The following PLB1 variants were observed in gnomAD, a reference collection of about 807,000 sequenced individuals.
PLB1 encodes phospholipase B1, also known as phospholipase B1, membrane-associated.
A neutral mutation model predicts 227.4 loss-of-function variants in PLB1; 242 were observed. That is an observed-to-expected ratio of 1.06 (90% CI 0.96 to 1.18). PLB1 has a LOEUF of 1.18. Among genes scored for constraint, PLB1 ranks in the 50% most tolerant of loss-of-function variants. The pLI is 0.00. For missense variants in PLB1, 1,858 were observed against 1,816.3 expected, an observed-to-expected ratio of 1.02 and a Z score of -0.42; for synonymous variants, 757 against 682.2, an observed-to-expected ratio of 1.11 and a Z score of -1.71.
rs754960169 is a variant in PLB1, at chr2:28,565,328, A to T, written c.1255A>T (p.Thr419Ser). 2 of 1,610,950 alleles carry T rather than the reference A, an allele frequency of 1.2e-6. No homozygotes were observed. The highest frequency in any genetic ancestry group is 1.7e-6 in the Non-Finnish European group (2 of 1,178,938). The change falls in exon 19 of 58, where the codon ACT (threonine) becomes TCT (serine). Residue 419 changes from threonine (T) to serine (S), a missense_variant. Transcript: ENST00000327757. ...STPGNVLDVL[T>S]QYRGLSWSVG... ...ACCTGGGAACGTCTTGGACGTCTTGACTCAGTACCGAGGCCTGTCCTGGAG... is the reference window on the plus strand; with the variant it reads ...ACCTGGGAACGTCTTGGACGTCTTGTCTCAGTACCGAGGCCTGTCCTGGAG...
intron 19 of PLB1, 90 bp from the exon 20 acceptor site, chr2:28,566,706 G>C (rs781196738): frequency 2.9e-5 from 42 of 1,448,966 alleles, no homozygotes; most frequent in Non-Finnish European, 3.6e-5. Flanking sequence ...GCTGTTTCTC[G>C]GGAGACGGGC....
intron 14 of PLB1, 34 bp downstream of exon 14, chr2:28,543,302 A>AG: frequency 6.3e-7 from 1 of 1,597,166 alleles, no homozygotes; most frequent in Middle Eastern, 1.7e-4. Flanking sequence ...GGGCCCACAG[A>AG]GGAGGGGCAA....
At chr2:28,502,367 G>A (rs1667200926) in intron 1 of PLB1, among the ~76,000 whole-genome samples, 1 of 152,110 alleles carries the variant, frequency 6.6e-6, no homozygotes, top group South Asian at 2.1e-4. Flanking sequence ...GTATATGTGT[G>A]TGTTCATATT....
In PLB1 at chr2:28,598,660, C is replaced by G; in HGVS notation, c.2374C>G (p.Arg792Gly). 6.2e-7 allele frequency: 1 copy of G among 1,613,158 alleles called. No individual in the cohort carries two copies. Among genetic ancestry groups the G allele is most frequent in the Non-Finnish European group, 8.5e-7 (1 of 1,179,054 alleles). ...TTCACCTTCTCTTCCAGATATCCTT[C>G]GGGAGTTTAACAGAAACCTCACAGG... Reference protein sequence around the residue: ...ENVTTLPNILREFNRNLTGYA... With the variant: ...ENVTTLPNILGEFNRNLTGYA... Residue 792 changes from arginine to glycine, a missense_variant, in exon 35 of 58, where the codon CGG becomes GGG. Arg to Gly is a moderately radical substitution (Grantham distance 125, BLOSUM62 -2). Transcript: ENST00000327757.
intron 1 of PLB1, among the ~76,000 whole-genome samples, chr2:28,509,781 G>T (rs191881093): frequency 6.6e-6 from 1 of 152,254 alleles, no homozygotes; most frequent in East Asian, 1.9e-4. Flanking sequence ...GAGTTCCCTT[G>T]GGATTCCATG....
At chr2:28,515,555 A>C (rs928095406) in intron 1 of PLB1, among the ~76,000 whole-genome samples, 3 of 152,222 alleles carry the variant, frequency 2.0e-5, no homozygotes, top group African/African-American at 7.2e-5. Flanking sequence ...CTAATGTGGA[A>C]ATCAGTGCCT....
At chr2:28,570,936 G>A (rs1677908218) in intron 20 of PLB1, among the ~76,000 whole-genome samples, 1 of 152,170 alleles carries the variant, frequency 6.6e-6, no homozygotes, top group Non-Finnish European at 1.5e-5. Context: ...TCAGGAGTAA[G>A]ACAAGGATGC....
rs1670183744 is a variant in PLB1, at chr2:28,525,896, T to C, written c.285-9T>C. ...AGCCTGACACTCACATGCCTGCTTC[T>C]ACCTGCAGGACTGAAAGGCCACAGC... On this transcript the variant is annotated splice_polypyrimidine_tract_variant and intron_variant, in intron 5 of 57. Transcript: ENST00000327757. 2 of 1,613,898 alleles carry C rather than the reference T, an allele frequency of 1.2e-6. No homozygotes were observed. The highest frequency in any genetic ancestry group is 2.7e-5 in the African/African-American group (2 of 74,910).
At chr2:28,563,880 G>C (rs933261492) in intron 18 of PLB1, among the ~76,000 whole-genome samples, 1 of 152,142 alleles carries the variant, frequency 6.6e-6, no homozygotes, top group Non-Finnish European at 1.5e-5. Flanking sequence ...CTATCACAAT[G>C]ATATCATCCA....
intron 16 of PLB1, among the ~76,000 whole-genome samples, chr2:28,550,429 GC>G (rs1461801165): frequency 1.3e-5 from 2 of 151,716 alleles, no homozygotes; most frequent in Non-Finnish European, 2.9e-5. Flanking sequence ...GCCTGCCTCA[GC>G]CTCCCGAAGT....
chr2:28,591,810 C>A (rs1681999656), intron 31 of PLB1, 50 bp downstream of exon 31: 18 of 1,555,462 alleles, frequency 1.2e-5, no homozygotes, highest in Non-Finnish European at 1.5e-5. Context: ...ACAGGGGCTG[C>A]TATGCTGGTG....
chr2:28,591,824 C>T (rs972512629), intron 31 of PLB1, 64 bp downstream of exon 31: 5 of 1,496,582 alleles, frequency 3.3e-6, no homozygotes, highest in Non-Finnish European at 3.7e-6. Flanking sequence ...GCTGGTGAGT[C>T]CTCTGACCTG....
intron 49 of PLB1, among the ~76,000 whole-genome samples, chr2:28,623,005 T>C (rs1687246884): frequency 6.6e-6 from 1 of 152,132 alleles, no homozygotes; most frequent in Middle Eastern, 3.4e-3. Flanking sequence ...AATAACTTTC[T>C]GAAAAAGACA....
intron 43 of PLB1, 35 bp from the exon 44 acceptor site, chr2:28,613,996 C>G: frequency 6.4e-7 from 1 of 1,560,568 alleles, no homozygotes; most frequent in Non-Finnish European, 8.8e-7. Flanking sequence ...TCAGTGCTGT[C>G]AGATAACTTC....
chr2:28,513,809 C>CT (rs1668538838), intron 1 of PLB1, among the ~76,000 whole-genome samples: 1 of 152,200 alleles, frequency 6.6e-6, no homozygotes, highest in African/African-American at 2.4e-5. Context: ...GAAACATCCT[C>CT]TTTTGAGCCC....
At chr2:28,585,870 C>G (rs748145673) in intron 26 of PLB1, 28 bp downstream of exon 26, 7 of 1,527,250 alleles carry the variant, frequency 4.6e-6, no homozygotes, top group Non-Finnish European at 6.4e-6. Flanking sequence ...TCTAAGACTT[C>G]CCAGAACTGC....
chr2:28,640,054 A>T (rs1689797847), intron 56 of PLB1, among the ~76,000 whole-genome samples: 1 of 152,228 alleles, frequency 6.6e-6, no homozygotes, highest in Admixed American at 6.5e-5. Context: ...GAACGGGTGT[A>T]AAAGGCCTTC....
At chr2:28,548,754 C>A in intron 14 of PLB1, 106 bp from the exon 15 acceptor site, 2 of 1,048,946 alleles carry the variant, frequency 1.9e-6, no homozygotes, top group Non-Finnish European at 2.9e-6. Flanking sequence ...ATTTCTAATG[C>A]GTTCCCTGGT....
chr2:28,588,959 T>C (rs1290029676), intron 26 of PLB1, among the ~76,000 whole-genome samples: 1 of 151,410 alleles, frequency 6.6e-6, no homozygotes, highest in African/African-American at 2.4e-5. Context: ...AGGTCAGGAG[T>C]TCGAGACCAG....
Sources: gnomAD v4.1 joint callset for allele counts (sites outside exome capture counted in the v4.1 genomes callset) on GRCh38, gnomAD v4.1.1 for gene constraint, MANE v1.5 for transcripts, NCBI Gene and HGNC (gene_info 2026-07-23, HGNC 2026-07-21) for gene names.